Variants in SYNE2 observed in about 807,000 individuals in gnomAD.
The protein encoded by SYNE2 is nesprin-2.
A neutral mutation model predicts 856.3 loss-of-function variants in SYNE2; 431 were observed. That is an observed-to-expected ratio of 0.50 (90% CI 0.47 to 0.55). The LOEUF (loss-of-function observed/expected upper bound fraction) is 0.55. SYNE2 is among the 20% of genes least tolerant of loss of function. SYNE2 has a pLI of 0.00. For missense variants in SYNE2, 8,129 were observed against 8,023.2 expected, an observed-to-expected ratio of 1.01 and a Z score of -0.50; for synonymous variants, 2,923 against 2,872.3, an observed-to-expected ratio of 1.02 and a Z score of -0.56.
intron 10 of SYNE2, among the ~76,000 whole-genome samples, chr14:63,966,445 C>T (rs1046248634): frequency 6.6e-6 from 1 of 152,070 alleles, no homozygotes; most frequent in African/African-American, 2.4e-5. Context: ...TTCACTTGAG[C>T]CCAGGAGGCA....
At chr14:63,937,797 T>C (rs2095851744) in intron 2 of SYNE2, among the ~76,000 whole-genome samples, 1 of 152,008 alleles carries the variant, frequency 6.6e-6, no homozygotes, top group African/African-American at 2.4e-5. Context: ...TCAAAGCAAA[T>C]AGAACAAAAT....
At chr14:64,046,799 C>T (rs1311149655) in intron 45 of SYNE2, among the ~76,000 whole-genome samples, 1 of 152,234 alleles carries the variant, frequency 6.6e-6, no homozygotes, top group Non-Finnish European at 1.5e-5. Context: ...GCAAGCTGCT[C>T]TGGGTGCCGA....
At chr14:64,188,447 G>A (rs1305657388) in intron 97 of SYNE2, 103 bp from the exon 98 acceptor site, 2 of 1,315,502 alleles carry the variant, frequency 1.5e-6, no homozygotes, top group East Asian at 2.3e-5. Flanking sequence ...TGAGTGCGGA[G>A]AGCTACTGAT....
chr14:64,202,188 C>T (rs1256357203), intron 99 of SYNE2: 35 of 702,134 alleles, frequency 5.0e-5, no homozygotes, highest in Admixed American at 1.2e-4. Context: ...CCCTTTTAGA[C>T]GGACAGAGAT....
chr14:64,060,340 T>C (rs1315925585), intron 49 of SYNE2, among the ~76,000 whole-genome samples: 2 of 151,662 alleles, frequency 1.3e-5, no homozygotes, highest in Non-Finnish European at 2.9e-5. Flanking sequence ...TTCAGGGCCC[T>C]AGGGCTCTTT....
intron 1 of SYNE2, among the ~76,000 whole-genome samples, chr14:63,800,119 C>G (rs1247047231): frequency 6.6e-6 from 1 of 152,198 alleles, no homozygotes; most frequent in East Asian, 1.9e-4. Context: ...TTGGTGAGCC[C>G]TTTAACTCTG....
At chr14:64,028,488 T>C (rs2097000583) in intron 43 of SYNE2, among the ~76,000 whole-genome samples, 1 of 152,038 alleles carries the variant, frequency 6.6e-6, no homozygotes, top group African/African-American at 2.4e-5. Flanking sequence ...CTCCTGGCCT[T>C]ATATAATCCT....
intron 81 of SYNE2, 50 bp from the exon 82 acceptor site, chr14:64,141,892 T>G: frequency 1.9e-6 from 3 of 1,606,472 alleles, no homozygotes; most frequent in Non-Finnish European, 2.6e-6. Context: ...ATGCTCTGAT[T>G]CATTTTGTTA....
At chr14:63,802,877 G>T (rs1369814661) in intron 1 of SYNE2, among the ~76,000 whole-genome samples, 1 of 151,958 alleles carries the variant, frequency 6.6e-6, no homozygotes, top group African/African-American at 2.4e-5. Context: ...GGTCTCCCTG[G>T]GCTCAGGAGT....
At chr14:64,107,174 A>G (rs1406314879) in intron 64 of SYNE2, among the ~76,000 whole-genome samples, 1 of 152,204 alleles carries the variant, frequency 6.6e-6, no homozygotes, top group Non-Finnish European at 1.5e-5. Flanking sequence ...AAATTTTCAT[A>G]AGGACATACT....
intron 95 of SYNE2, among the ~76,000 whole-genome samples, chr14:64,176,762 A>G (rs1283124703): frequency 6.6e-6 from 1 of 151,850 alleles, no homozygotes; most frequent in African/African-American, 2.4e-5. Context: ...TTGGGGAGAG[A>G]GGAAGAACTT....
At chr14:63,994,520 A>G (rs1051360225) in intron 22 of SYNE2, among the ~76,000 whole-genome samples, 1 of 152,174 alleles carries the variant, frequency 6.6e-6, no homozygotes, top group Non-Finnish European at 1.5e-5. Context: ...AGTGTACCCC[A>G]CGCCCAGATT....
rs769052051 is a variant in SYNE2 at position 64,049,684 on chromosome 14, C to T, written c.7451C>T (p.Thr2484Ile). Residue 2484 changes from threonine (T) to isoleucine (I), a missense_variant, in exon 47 of 116, where the codon ACA (threonine) becomes ATA (isoleucine). Physicochemically the swap from Thr to Ile is moderately conservative, Grantham distance 89. Around this residue, in one of 3 missense-constraint regions of SYNE2, gnomAD observed 5,410 missense variants for 5,284.8 expected, o/e 1.02. Coordinates refer to ENST00000555002, the MANE Select transcript of SYNE2 (RefSeq NM_182914.3). ...PLEQTECLNK[T>I]ETGALVLHNI... ...GAACAAACAGAATGTCTTAACAAAACAGAAACTGGGGCCTTGGTTCTCCAC... is the reference window on the plus strand; with the variant it reads ...GAACAAACAGAATGTCTTAACAAAATAGAAACTGGGGCCTTGGTTCTCCAC... The T allele has an allele frequency of 6.2e-7, 1 of 1,614,122 alleles. No individual in the cohort carries two copies. The highest frequency in any genetic ancestry group is 1.7e-5 in the Admixed American group (1 of 60,026).
In SYNE2 at chr14:64,225,311, G is replaced by A. The variant is rs750731188; in HGVS notation, c.20517-8G>A. 6.2e-7 allele frequency: 1 copy of A among 1,614,104 alleles called. No homozygotes were observed. The highest frequency in any genetic ancestry group is 1.3e-5 in the African/African-American group (1 of 75,044). ...TCCCAATCAGCTCTCAACCTCCTCT[G>A]TTGGCAGGGTCCCCGGCAGCACACG... On this transcript the variant is annotated splice_polypyrimidine_tract_variant and splice_region_variant and intron_variant, in intron 115 of 115. Coordinates refer to ENST00000555002, the MANE Select transcript of SYNE2 (RefSeq NM_182914.3).
At chr14:63,945,383 C>G (rs948923267) in intron 6 of SYNE2, among the ~76,000 whole-genome samples, 8 of 152,086 alleles carry the variant, frequency 5.3e-5, no homozygotes, top group African/African-American at 1.7e-4. Flanking sequence ...TAACACCATA[C>G]AAATGGAATT....
intron 54 of SYNE2, 125 bp from the exon 55 acceptor site, chr14:64,078,341 C>A: frequency 8.8e-7 from 1 of 1,139,948 alleles, no homozygotes. Flanking sequence ...GCCAGAATTT[C>A]TTCCCCCAGC....
At chr14:63,780,732 C>G (rs911880903) in intron 1 of SYNE2, among the ~76,000 whole-genome samples, 4 of 152,052 alleles carry the variant, frequency 2.6e-5, no homozygotes, top group Non-Finnish European at 4.4e-5. Flanking sequence ...ACTACTGAAG[C>G]CTACATCAAC....
At chr14:64,006,936 C>T (rs2096800789) in intron 30 of SYNE2, 107 bp from the exon 31 acceptor site, 2 of 864,258 alleles carry the variant, frequency 2.3e-6, no homozygotes, top group Non-Finnish European at 3.9e-6. Flanking sequence ...TGGCATTAAC[C>T]ACATGAGGAC....
At position 64,223,182 on chromosome 14, in the gene SYNE2, T is replaced by C. The variant is rs778143151; in HGVS notation, c.20191-7T>C. 1.2e-6 allele frequency: 2 copies of C among 1,613,394 alleles called. No individual in the cohort carries two copies. Among genetic ancestry groups the C allele is most frequent in the East Asian group, 4.5e-5 (2 of 44,870 alleles). Reference sequence around the variant, plus strand: ...GTCACTGTTTCACACACTTTATCTGTTTTCAGCAACTGGAAAAGGAGCTGG... The same window carrying C: ...GTCACTGTTTCACACACTTTATCTGCTTTCAGCAACTGGAAAAGGAGCTGG... On this transcript the variant is annotated splice_polypyrimidine_tract_variant and splice_region_variant and intron_variant, in intron 112 of 115. Transcript: ENST00000555002.
Sources: gnomAD v4.1 joint callset for allele counts (sites outside exome capture counted in the v4.1 genomes callset) on GRCh38, gnomAD v4.1.1 for gene constraint, gnomAD v4.1.1 regional missense constraint, MANE v1.5 for transcripts, NCBI Gene and HGNC (gene_info 2026-07-23, HGNC 2026-07-21) for gene names.